PTPRK: variants seen among roughly 807,000 people sequenced by gnomAD.
The protein encoded by PTPRK is protein tyrosine phosphatase receptor type K, also known as receptor-type tyrosine-protein phosphatase kappa.
In PTPRK, 75 loss-of-function variants were observed where a neutral mutation model predicts 178.0. The ratio of observed to expected loss-of-function variants is 0.42; its 90% CI spans 0.35 to 0.51. The LOEUF (loss-of-function observed/expected upper bound fraction) is 0.51, where lower values mean the gene tolerates loss of function less well. PTPRK is among the 20% of genes least tolerant of loss of function. The probability of loss-of-function intolerance (pLI) is 0.02; values close to 1 mark genes in which losing one functional copy is unlikely to be tolerated. For missense variants in PTPRK, 1,441 were observed against 1,797.8 expected, an observed-to-expected ratio of 0.80 and a Z score of 3.59; for synonymous variants, 637 against 620.6, an observed-to-expected ratio of 1.03 and a Z score of -0.39.
chr6:128,309,642 G>C (rs1051322588), intron 3 of PTPRK, among the ~76,000 whole-genome samples: 3 of 152,078 alleles, frequency 2.0e-5, no homozygotes, highest in African/African-American at 7.2e-5. Flanking sequence ...TTATATTATG[G>C]AAGGAGAGAA....
intron 2 of PTPRK, among the ~76,000 whole-genome samples, chr6:128,394,168 G>A (rs917867023): frequency 8.5e-5 from 13 of 152,078 alleles, no homozygotes; most frequent in African/African-American, 2.7e-4. Flanking sequence ...TTGTGTTTGC[G>A]AAATTCATTC....
intron 1 of PTPRK, among the ~76,000 whole-genome samples, chr6:128,406,193 C>A (rs532991468): frequency 1.3e-5 from 2 of 151,964 alleles, no homozygotes; most frequent in Admixed American, 1.3e-4. Context: ...GTCAAGGCTG[C>A]AGTAAGCCAT....
At chr6:128,050,139 GAA>G (rs59066990) in intron 13 of PTPRK, among the ~76,000 whole-genome samples, 1 of 144,774 alleles carries the variant, frequency 6.9e-6, no homozygotes, top group African/African-American at 2.5e-5. Context: ...TCCGCCTCAA[GAA>G]AAAAAAAAAT....
intron 24 of PTPRK, among the ~76,000 whole-genome samples, chr6:127,982,423 C>T (rs1341458574): frequency 6.6e-6 from 1 of 152,156 alleles, no homozygotes; most frequent in African/African-American, 2.4e-5. Flanking sequence ...CAGGCACCCG[C>T]CACCATGCCT....
At chr6:128,356,917 T>C (rs889001417) in intron 2 of PTPRK, among the ~76,000 whole-genome samples, 2 of 152,176 alleles carry the variant, frequency 1.3e-5, no homozygotes, top group African/African-American at 4.8e-5. Flanking sequence ...GCATATAGCT[T>C]CTCTAGTTCT....
At chr6:128,379,006 A>C (rs954400952) in intron 2 of PTPRK, among the ~76,000 whole-genome samples, 2 of 152,150 alleles carry the variant, frequency 1.3e-5, no homozygotes, top group African/African-American at 4.8e-5. Context: ...ACAGTAAAGT[A>C]CTATTCAAGG....
At chr6:128,350,256 TA>T (rs1832951504) in intron 2 of PTPRK, among the ~76,000 whole-genome samples, 1 of 152,118 alleles carries the variant, frequency 6.6e-6, no homozygotes, top group African/African-American at 2.4e-5. Flanking sequence ...TAGAAAGTAT[TA>T]AAGGTAGCAA....
At chr6:128,246,436 AT>A (rs1156885575) in intron 3 of PTPRK, among the ~76,000 whole-genome samples, 17 of 151,698 alleles carry the variant, frequency 1.1e-4, no homozygotes, top group African/African-American at 3.4e-4. Context: ...TTGGTTCTTT[AT>A]TTAAAAAAAA....
At chr6:128,469,831 T>C (rs796251424) in intron 1 of PTPRK, among the ~76,000 whole-genome samples, 1 of 151,928 alleles carries the variant, frequency 6.6e-6, no homozygotes, top group African/African-American at 2.4e-5. Flanking sequence ...GAGATGACAG[T>C]GTGGGCTTTA....
intron 5 of PTPRK, among the ~76,000 whole-genome samples, chr6:128,226,796 A>ATATATATATATATATATG (rs1244431323): frequency 7.8e-6 from 1 of 128,784 alleles, no homozygotes; most frequent in African/African-American, 2.8e-5. Context: ...ATATATATAT[A>ATATATATATATATATATG]TATTTCAATA....
intron 3 of PTPRK, among the ~76,000 whole-genome samples, chr6:128,276,034 T>A (rs971044155): frequency 4.6e-5 from 7 of 152,130 alleles, no homozygotes; most frequent in South Asian, 2.1e-4. Flanking sequence ...TTAAAAAAAA[T>A]TTTAAGTATG....
chr6:128,084,998 G>C (rs1785499875), intron 8 of PTPRK: 1 of 152,080 alleles, frequency 6.6e-6, no homozygotes, highest in Non-Finnish European at 1.5e-5. Flanking sequence ...TGGATCAAGG[G>C]AAATACATTG....
At chr6:128,131,899 A>G (rs1794302098) in intron 7 of PTPRK, among the ~76,000 whole-genome samples, 1 of 152,174 alleles carries the variant, frequency 6.6e-6, no homozygotes. Context: ...CTTGGCTCTG[A>G]TCTCTTTAAG....
chr6:128,378,615 C>A (rs1837440799), intron 2 of PTPRK, among the ~76,000 whole-genome samples: 1 of 151,970 alleles, frequency 6.6e-6, no homozygotes, highest in South Asian at 2.1e-4. Context: ...GAGAAAAATA[C>A]CTTTCAGGAA....
At chr6:128,094,180 A>G (rs1477786995) in intron 7 of PTPRK, among the ~76,000 whole-genome samples, 8 of 152,196 alleles carry the variant, frequency 5.3e-5, no homozygotes, top group Non-Finnish European at 1.0e-4. Context: ...GGCAAACTTT[A>G]GATGTCATGG....
At chr6:128,374,537 T>C (rs1035678589) in intron 2 of PTPRK, among the ~76,000 whole-genome samples, 1 of 152,092 alleles carries the variant, frequency 6.6e-6, no homozygotes, top group African/African-American at 2.4e-5. Context: ...GCTAAAACAA[T>C]ATTCACTCAT....
chr6:128,043,780 T>C (rs1383284547), intron 13 of PTPRK, among the ~76,000 whole-genome samples: 1 of 145,160 alleles, frequency 6.9e-6, no homozygotes, highest in Non-Finnish European at 1.5e-5. Context: ...TTTCAAGTTA[T>C]ACATATAAAA....
intron 1 of PTPRK, among the ~76,000 whole-genome samples, chr6:128,464,151 T>C (rs1339218393): frequency 1.3e-5 from 2 of 152,150 alleles, no homozygotes; most frequent in East Asian, 3.9e-4. Flanking sequence ...CTACTCACTA[T>C]TGCATAATAT....
intron 3 of PTPRK, among the ~76,000 whole-genome samples, chr6:128,273,526 AC>A (rs1418989701): frequency 6.6e-6 from 1 of 152,110 alleles, no homozygotes; most frequent in African/African-American, 2.4e-5. Context: ...AAACTAAACA[AC>A]CTACTGAGAT....
Sources: gnomAD v4.1 joint callset for allele counts (sites outside exome capture counted in the v4.1 genomes callset) on GRCh38, gnomAD v4.1.1 for gene constraint, MANE v1.5 for transcripts, NCBI Gene and HGNC (gene_info 2026-07-23, HGNC 2026-07-21) for gene names.